The following SLC9A9 variants were observed in gnomAD, a reference collection of about 807,000 sequenced individuals.
SLC9A9 encodes sodium/hydrogen exchanger 9.
SLC9A9 carries 62 observed loss-of-function variants against 77.8 expected under a neutral mutation model. That is an observed-to-expected ratio of 0.80 (90% CI 0.65 to 0.98). SLC9A9 has a LOEUF of 0.98. Ranked by LOEUF, SLC9A9 falls within the 50% of genes least tolerant of loss-of-function variation. SLC9A9 has a pLI of 0.00. For missense variants in SLC9A9, 775 were observed against 774.9 expected (o/e 1.00, Z 0.00); for synonymous variants, 320 against 283.5 (o/e 1.13, Z -1.29).
At chr3:143,611,186 T>C (rs559749587) in intron 6 of SLC9A9, among the ~76,000 whole-genome samples, 5 of 152,028 alleles carry the variant, frequency 3.3e-5, no homozygotes, top group Admixed American at 2.6e-4. Context: ...GAACATAAAG[T>C]TGGGGAAATC....
chr3:143,764,483 C>A (rs2007238536), intron 4 of SLC9A9, among the ~76,000 whole-genome samples: 1 of 152,226 alleles, frequency 6.6e-6, no homozygotes, highest in Non-Finnish European at 1.5e-5. Flanking sequence ...GATGCACAGT[C>A]ACCACCTCAT....
chr3:143,349,202 T>A (rs1298843935), intron 14 of SLC9A9, among the ~76,000 whole-genome samples: 1 of 152,196 alleles, frequency 6.6e-6, no homozygotes, highest in Admixed American at 6.5e-5. Context: ...TTTCAGTCCA[T>A]CACTGAGCTG....
Position 143,266,032 on chromosome 3 carries a change from C to T in SLC9A9, c.*670G>A, listed in dbSNP as rs900323791. ...CCTACTAAGCTTGAAAGTGGTGCTG[C>T]ATTTAGGGCAGGGCACACCCAGCCA... On this transcript the variant is annotated 3_prime_UTR_variant, in exon 16 of 16. Coordinates refer to ENST00000316549, the MANE Select transcript of SLC9A9 (RefSeq NM_173653.4). The T allele has an allele frequency of 1.6e-5, 11 of 701,940 alleles. No homozygotes were observed. The highest frequency in any genetic ancestry group is 1.6e-5 in the Non-Finnish European group (6 of 384,628). The allele number at this position is 701,940 out of a possible 1,614,324, so 43.5% of individuals were successfully genotyped here. A position where few individuals can be genotyped will look rare whatever the true frequency, so the allele number is the denominator to read the frequency against.
intron 14 of SLC9A9, among the ~76,000 whole-genome samples, chr3:143,361,373 AG>A (rs2032748805): frequency 6.6e-6 from 1 of 152,170 alleles, no homozygotes; most frequent in African/African-American, 2.4e-5. Flanking sequence ...TCTCAGGATG[AG>A]GGGCTAATCT....
intron 14 of SLC9A9, among the ~76,000 whole-genome samples, chr3:143,339,505 G>A (rs1576434283): frequency 1.5e-5 from 2 of 133,194 alleles, no homozygotes; most frequent in Non-Finnish European, 3.1e-5. Context: ...CCTTTTCCCT[G>A]CTATCTTCTT....
At chr3:143,691,927 G>T (rs1321478361) in intron 5 of SLC9A9, among the ~76,000 whole-genome samples, 3 of 152,062 alleles carry the variant, frequency 2.0e-5, no homozygotes, top group Non-Finnish European at 4.4e-5. Flanking sequence ...TGCTAGAGTA[G>T]CAATCCAATA....
chr3:143,568,513 A>C (rs1371131647), intron 8 of SLC9A9, among the ~76,000 whole-genome samples: 1 of 152,182 alleles, frequency 6.6e-6, no homozygotes, highest in Admixed American at 6.6e-5. Context: ...ATAAGGTTAC[A>C]GATTAATGCA....
intron 12 of SLC9A9, among the ~76,000 whole-genome samples, chr3:143,399,997 C>T (rs1360688735): frequency 6.6e-6 from 1 of 152,060 alleles, no homozygotes; most frequent in Non-Finnish European, 1.5e-5. Flanking sequence ...TTCATCAAAC[C>T]TAGATGTAGT....
intron 4 of SLC9A9, among the ~76,000 whole-genome samples, chr3:143,704,868 T>C (rs965510687): frequency 2.6e-5 from 4 of 152,072 alleles, no homozygotes; most frequent in Non-Finnish European, 5.9e-5. Flanking sequence ...GGTACATGCC[T>C]GTAATCCCAG....
intron 12 of SLC9A9, among the ~76,000 whole-genome samples, chr3:143,444,222 G>A (rs941958000): frequency 3.3e-5 from 5 of 152,192 alleles, no homozygotes; most frequent in African/African-American, 1.2e-4. Flanking sequence ...AAATTGTTTG[G>A]TCCTAAATTG....
chr3:143,759,156 C>A (rs1292854254), intron 4 of SLC9A9, among the ~76,000 whole-genome samples: 1 of 152,078 alleles, frequency 6.6e-6, no homozygotes, highest in Non-Finnish European at 1.5e-5. Flanking sequence ...ATTATCTGAT[C>A]TCATTAGGCT....
chr3:143,387,759 G>A (rs2033461748), intron 12 of SLC9A9, among the ~76,000 whole-genome samples: 1 of 147,784 alleles, frequency 6.8e-6, no homozygotes, highest in South Asian at 2.1e-4. Context: ...TAAAATCTCA[G>A]GATGCTCTTA....
chr3:143,608,578 A>G (rs1488105792), intron 6 of SLC9A9, among the ~76,000 whole-genome samples: 1 of 152,216 alleles, frequency 6.6e-6, no homozygotes, highest in Non-Finnish European at 1.5e-5. Context: ...CAATATTCTT[A>G]GTTCTTTAAT....
At chr3:143,511,928 A>T (rs1050748013) in intron 9 of SLC9A9, among the ~76,000 whole-genome samples, 10 of 152,240 alleles carry the variant, frequency 6.6e-5, no homozygotes, top group African/African-American at 2.4e-4. Flanking sequence ...TATACTTCAG[A>T]TGCTGAATAC....
At chr3:143,750,913 G>T (rs2006692333) in intron 4 of SLC9A9, among the ~76,000 whole-genome samples, 1 of 152,134 alleles carries the variant, frequency 6.6e-6, no homozygotes, top group Non-Finnish European at 1.5e-5. Context: ...GTATGGGGCA[G>T]TAGATTTCCT....
chr3:143,609,728 A>T (rs2037988584), intron 6 of SLC9A9, among the ~76,000 whole-genome samples: 1 of 152,184 alleles, frequency 6.6e-6, no homozygotes. Flanking sequence ...CATATTATTC[A>T]GTAAGTTGGT....
In SLC9A9 at chr3:143,424,659, C is replaced by T. The variant is rs138498480; in HGVS notation, c.1469+42378G>A. Among the ~76,000 whole-genome samples the T allele has an allele frequency of 5.3e-4, 80 of 152,174 alleles. 1 individual carries two copies. In the East Asian group the frequency reaches 0.013, roughly 25 times the overall value. On this transcript the variant is annotated intron_variant, in intron 12 of 15. Coordinates refer to ENST00000316549, the MANE Select transcript of SLC9A9 (RefSeq NM_173653.4). Reference sequence around the variant, plus strand: ...GATTACAGGCTTGAGCCACTGTGCCCGGCCTGAAACCTTTTAAAGTTTGAT... The same window carrying T: ...GATTACAGGCTTGAGCCACTGTGCCTGGCCTGAAACCTTTTAAAGTTTGAT...
intron 4 of SLC9A9, among the ~76,000 whole-genome samples, chr3:143,748,373 C>T (rs1029797866): frequency 3.3e-5 from 5 of 152,160 alleles, no homozygotes; most frequent in Non-Finnish European, 2.9e-5. Flanking sequence ...GTCAGCCTGC[C>T]ACAACTGTCC....
chr3:143,799,901 C>T (rs2008502347), intron 2 of SLC9A9, among the ~76,000 whole-genome samples: 2 of 152,176 alleles, frequency 1.3e-5, no homozygotes, highest in African/African-American at 4.8e-5. Context: ...TTTTCAAGGG[C>T]CTGTTTCCTT....
Sources: gnomAD v4.1 joint callset for allele counts (sites outside exome capture counted in the v4.1 genomes callset) on GRCh38, gnomAD v4.1.1 for gene constraint, MANE v1.5 for transcripts, NCBI Gene and HGNC (gene_info 2026-07-23, HGNC 2026-07-21) for gene names.